PALLD: variants seen among roughly 807,000 people sequenced by gnomAD.
PALLD encodes the protein palladin, cytoskeletal associated protein.
PALLD carries 61 observed loss-of-function variants against 123.5 expected under a neutral mutation model. The observed-to-expected ratio is 0.49, with a 90% confidence interval of 0.40 to 0.61. The LOEUF (loss-of-function observed/expected upper bound fraction) is 0.61, where lower values mean the gene tolerates loss of function less well. Among genes scored for constraint, PALLD ranks in the 20% least tolerant of loss-of-function variants. PALLD has a pLI of 0.00. For synonymous variants in PALLD, 465 were observed against 496.4 expected (o/e 0.94, Z 0.84); for missense variants, 1,273 against 1,377.0 (o/e 0.92, Z 1.20).
At chr4:168,531,819 A>G (rs559355306) in intron 2 of PALLD, among the ~76,000 whole-genome samples, 1 of 152,330 alleles carries the variant, frequency 6.6e-6, no homozygotes, top group South Asian at 2.1e-4. Context: ...CTATCCCTGA[A>G]GTAAATCCTT....
chr4:168,550,295 A>G (rs1766596673), intron 2 of PALLD, among the ~76,000 whole-genome samples: 1 of 152,112 alleles, frequency 6.6e-6, no homozygotes, highest in Non-Finnish European at 1.5e-5. Context: ...TTATCAAAAC[A>G]GAAAACGAAA....
intron 2 of PALLD, among the ~76,000 whole-genome samples, chr4:168,633,006 A>G (rs1056840007): frequency 2.6e-5 from 4 of 152,226 alleles, no homozygotes; most frequent in South Asian, 2.1e-4. Flanking sequence ...CCAAGGGACC[A>G]GCATGATTTC....
intron 10 of PALLD, among the ~76,000 whole-genome samples, chr4:168,745,485 CCTT>C (rs1370863530): frequency 1.4e-5 from 2 of 146,250 alleles, no homozygotes; most frequent in Admixed American, 1.4e-4. Flanking sequence ...TTTTTTTTTT[CCTT>C]CTTCAACTGG....
intron 2 of PALLD, among the ~76,000 whole-genome samples, chr4:168,551,523 C>A (rs1766722457): frequency 6.6e-6 from 1 of 151,952 alleles, no homozygotes; most frequent in African/African-American, 2.4e-5. Context: ...AATATAGTAA[C>A]CATGAGGACT....
intron 10 of PALLD, among the ~76,000 whole-genome samples, chr4:168,811,776 T>TCA (rs58914714): frequency 0.036 from 5,116 of 143,690 alleles, 110 homozygotes; most frequent in East Asian, 0.097. Context: ...TCTCTCTCTC[T>TCA]CACACACACA....
At chr4:168,611,092 T>C (rs1773683582) in intron 2 of PALLD, among the ~76,000 whole-genome samples, 2 of 152,362 alleles carry the variant, frequency 1.3e-5, no homozygotes, top group East Asian at 1.9e-4. Context: ...CAGGAGGCTC[T>C]GACTGGACCC....
intron 10 of PALLD, among the ~76,000 whole-genome samples, chr4:168,757,485 T>A (rs575996198): frequency 1.3e-5 from 2 of 152,338 alleles, no homozygotes; most frequent in Non-Finnish European, 2.9e-5. Context: ...CGTTAAGAAA[T>A]AATTTAAATC....
intron 10 of PALLD, among the ~76,000 whole-genome samples, chr4:168,784,196 G>T (rs1736348522): frequency 6.6e-6 from 1 of 152,044 alleles, no homozygotes; most frequent in Admixed American, 6.6e-5. Flanking sequence ...CCAATGAAGA[G>T]AAAAAATGTA....
At chr4:168,553,732 CT>C (rs1228094747) in intron 2 of PALLD, among the ~76,000 whole-genome samples, 1 of 152,010 alleles carries the variant, frequency 6.6e-6, no homozygotes, top group Non-Finnish European at 1.5e-5. Flanking sequence ...TTTTTTTGGA[CT>C]GTTTTTCCTT....
chr4:168,766,677 G>A (rs1042620691), intron 10 of PALLD, among the ~76,000 whole-genome samples: 1 of 152,210 alleles, frequency 6.6e-6, no homozygotes, highest in African/African-American at 2.4e-5. Flanking sequence ...TTGGTTCAGT[G>A]CTTGTTCTTC....
intron 8 of PALLD, among the ~76,000 whole-genome samples, chr4:168,701,477 C>G (rs1396574749): frequency 6.6e-6 from 1 of 152,206 alleles, no homozygotes; most frequent in African/African-American, 2.4e-5. Flanking sequence ...TATATTCATC[C>G]TCAGGTTTTC....
intron 10 of PALLD, among the ~76,000 whole-genome samples, chr4:168,822,645 A>G (rs1742889121): frequency 1.3e-5 from 2 of 152,222 alleles, no homozygotes; most frequent in Admixed American, 1.3e-4. Flanking sequence ...CCAACGCTCT[A>G]GTAATTCACT....
At chr4:168,817,521 G>A (rs888619489) in intron 10 of PALLD, among the ~76,000 whole-genome samples, 4 of 152,126 alleles carry the variant, frequency 2.6e-5, no homozygotes, top group East Asian at 1.9e-4. Context: ...GGCAAATTAC[G>A]CAAAGAAACT....
chr4:168,793,764 C>A (rs1405579571), intron 10 of PALLD, among the ~76,000 whole-genome samples: 1 of 152,154 alleles, frequency 6.6e-6, no homozygotes, highest in African/African-American at 2.4e-5. Flanking sequence ...TATCTCCTAC[C>A]CTGTGGTTCT....
Position 168,580,647 on chromosome 4 carries a change from C to G in PALLD, c.908+68235C>G, listed in dbSNP as rs536703538. 5.3e-5 allele frequency among the ~76,000 whole-genome samples: 8 copies of G among 152,162 alleles called. No individual in the cohort carries two copies. The South Asian group carries it at 1.7e-3, about 32-fold the overall frequency. On this transcript the variant is annotated intron_variant, in intron 2 of 21. Coordinates refer to ENST00000505667, the MANE Select transcript of PALLD (RefSeq NM_001166108.2). ...GGTATATAGCCAAAGGAATATAAAT[C>G]ATTCTACTATAAAGACATATGTATG...
intron 2 of PALLD, among the ~76,000 whole-genome samples, chr4:168,606,966 T>C (rs1450672655): frequency 1.3e-5 from 2 of 152,186 alleles, no homozygotes; most frequent in African/African-American, 4.8e-5. Context: ...GTAAACAAGA[T>C]GCAAGATAGG....
chr4:168,670,765 CAAAAAAAAACA>C (rs1780162609), intron 3 of PALLD, among the ~76,000 whole-genome samples: 4 of 109,492 alleles, frequency 3.7e-5, no homozygotes, highest in Non-Finnish European at 7.4e-5. Flanking sequence ...ACAAAAAAAA[CAAAAAAAAACA>C]AAAAAAAAAA....
At chr4:168,639,710 A>C (rs1326591064) in intron 2 of PALLD, among the ~76,000 whole-genome samples, 1 of 146,176 alleles carries the variant, frequency 6.8e-6, no homozygotes, top group Non-Finnish European at 1.5e-5. Context: ...CGCCCAGCTA[A>C]TTTTTTGTAT....
intron 2 of PALLD, among the ~76,000 whole-genome samples, chr4:168,630,912 C>T (rs1382756904): frequency 6.6e-6 from 1 of 152,204 alleles, no homozygotes; most frequent in Admixed American, 6.5e-5. Context: ...TGATATCCGT[C>T]TGTGTGGTAA....
Sources: allele counts gnomAD v4.1 joint callset (sites outside exome capture counted in the v4.1 genomes callset), GRCh38; gene constraint gnomAD v4.1.1; transcripts MANE v1.5; gene names NCBI Gene and HGNC (gene_info 2026-07-23, HGNC 2026-07-21).